The following LEF1 variants were observed in gnomAD, a reference collection of about 807,000 sequenced individuals.
LEF1 encodes lymphoid enhancer-binding factor 1.
In LEF1, 14 loss-of-function variants were observed where a neutral mutation model predicts 51.2. The observed-to-expected ratio is 0.27, with a 90% confidence interval of 0.18 to 0.43. The LOEUF is 0.43. Among genes scored for constraint, LEF1 ranks in the 20% least tolerant of loss-of-function variants. The pLI, the probability that LEF1 is intolerant of heterozygous loss-of-function variation, is 1.00. For missense variants in LEF1, 386 were observed against 512.0 expected, an observed-to-expected ratio of 0.75 and a Z score of 2.37; for synonymous variants, 185 against 183.2, an observed-to-expected ratio of 1.01 and a Z score of -0.08.
intron 2 of LEF1, among the ~76,000 whole-genome samples, chr4:108,163,921 TCAAA>T (rs1745228377): frequency 6.6e-6 from 1 of 152,190 alleles, no homozygotes. Flanking sequence ...AACATGTAGT[TCAAA>T]CAGTTCTTCC....
chr4:108,103,839 T>C (rs969391680), intron 3 of LEF1, among the ~76,000 whole-genome samples: 1 of 152,230 alleles, frequency 6.6e-6, no homozygotes, highest in East Asian at 1.9e-4. Context: ...GGTTTAAAGA[T>C]ATTCAAAAGA....
intron 3 of LEF1, among the ~76,000 whole-genome samples, chr4:108,152,092 G>C (rs1271291526): frequency 6.6e-6 from 1 of 152,196 alleles, no homozygotes; most frequent in Admixed American, 6.5e-5. Flanking sequence ...AGCTCTGAGG[G>C]AGGACTTATG....
intron 3 of LEF1, among the ~76,000 whole-genome samples, chr4:108,127,094 G>A (rs904771333): frequency 2.6e-5 from 4 of 152,080 alleles, no homozygotes; most frequent in African/African-American, 7.2e-5. Context: ...AGGAGACATA[G>A]GAGCTGGAAG....
rs113428728 is a variant in LEF1, at chr4:108,079,641, A to G, written c.723-27T>C. 15,022 of 1,613,292 alleles carry G rather than the reference A, an allele frequency of 9.3e-3. 86 individuals carry two copies. Among genetic ancestry groups the G allele is most frequent in the South Asian group, 0.019 (1,700 of 90,998 alleles). ...TGAAAGGAGGAAAGAGAAGAAAACAATGTACTACTGGCTGTTGCAGCAAAA... is the reference window on the plus strand; with the variant it reads ...TGAAAGGAGGAAAGAGAAGAAAACAGTGTACTACTGGCTGTTGCAGCAAAA... On this transcript the variant is annotated intron_variant, in intron 6 of 11. Transcript: ENST00000265165.
At chr4:108,097,442 T>C (rs1472857680) in intron 3 of LEF1, among the ~76,000 whole-genome samples, 1 of 152,150 alleles carries the variant, frequency 6.6e-6, no homozygotes, top group Non-Finnish European at 1.5e-5. Flanking sequence ...CAGCTTGGAA[T>C]GGGGGTTGGG....
intron 10 of LEF1, 34 bp downstream of exon 10, chr4:108,064,302 C>G: frequency 6.5e-7 from 1 of 1,536,540 alleles, no homozygotes; most frequent in Non-Finnish European, 9.0e-7. Context: ...TGTCAGAAGC[C>G]TGAGGATTGA....
At chr4:108,161,178 T>C (rs968068764) in intron 3 of LEF1, among the ~76,000 whole-genome samples, 18 of 152,332 alleles carry the variant, frequency 1.2e-4, no homozygotes, top group African/African-American at 4.3e-4. Flanking sequence ...TTCCGGTTAG[T>C]GTTTTTGATC....
At chr4:108,103,427 T>C (rs1285680850) in intron 3 of LEF1, among the ~76,000 whole-genome samples, 1 of 152,220 alleles carries the variant, frequency 6.6e-6, no homozygotes, top group African/African-American at 2.4e-5. Flanking sequence ...TTTTAAGGAA[T>C]GAATTTATGT....
intron 3 of LEF1, among the ~76,000 whole-genome samples, chr4:108,092,591 C>T (rs1435666001): frequency 6.6e-6 from 1 of 152,162 alleles, no homozygotes; most frequent in Non-Finnish European, 1.5e-5. Context: ...AGTTTTAAGA[C>T]AGCCAGTAAA....
chr4:108,073,988 G>A (rs1363460081), intron 8 of LEF1, among the ~76,000 whole-genome samples: 1 of 152,020 alleles, frequency 6.6e-6, no homozygotes, highest in Non-Finnish European at 1.5e-5. Flanking sequence ...ACCACGCCCG[G>A]CTACTTTTTT....
intron 3 of LEF1, among the ~76,000 whole-genome samples, chr4:108,119,912 A>C (rs528007180): frequency 2.2e-4 from 33 of 152,196 alleles, no homozygotes; most frequent in Non-Finnish European, 4.4e-4. Flanking sequence ...ATTTGCTTAA[A>C]AAACAATCTG....
chr4:108,116,924 G>A (rs944600461), intron 3 of LEF1, among the ~76,000 whole-genome samples: 4 of 152,188 alleles, frequency 2.6e-5, no homozygotes, highest in African/African-American at 9.7e-5. Context: ...CAAGTAAAGA[G>A]ACTGGTCACA....
At chr4:108,050,086 G>C (rs533819108) in intron 11 of LEF1, among the ~76,000 whole-genome samples, 9 of 152,242 alleles carry the variant, frequency 5.9e-5, no homozygotes, top group Admixed American at 1.3e-4. Context: ...TGTATACCTG[G>C]GTAGCTACTG....
intron 3 of LEF1, among the ~76,000 whole-genome samples, chr4:108,093,276 G>A (rs1740171645): frequency 6.6e-6 from 1 of 152,144 alleles, no homozygotes; most frequent in African/African-American, 2.4e-5. Context: ...GGAATCAGCA[G>A]TAGAAAAGTT....
chr4:108,156,174 T>C (rs1310376198), intron 3 of LEF1, among the ~76,000 whole-genome samples: 1 of 152,216 alleles, frequency 6.6e-6, no homozygotes, highest in Non-Finnish European at 1.5e-5. Context: ...TCTCCATTTC[T>C]TCAATTAGGT....
chr4:108,158,142 G>A (rs916582388), intron 3 of LEF1, among the ~76,000 whole-genome samples: 1 of 151,746 alleles, frequency 6.6e-6, no homozygotes, highest in Non-Finnish European at 1.5e-5. Flanking sequence ...ATCCCTAAAA[G>A]AGTTTATAGC....
chr4:108,099,555 T>C (rs1740625332), intron 3 of LEF1, among the ~76,000 whole-genome samples: 2 of 35,910 alleles, frequency 5.6e-5, no homozygotes, highest in African/African-American at 1.6e-4. Context: ...TGTGTGTGTG[T>C]ATGTGTGTGT....
chr4:108,166,126 C>G lies in LEF1; in HGVS notation c.214-963G>C. 4 of 707,326 alleles carry G rather than the reference C, an allele frequency of 5.7e-6. No homozygotes were observed. In the South Asian group the frequency reaches 1.1e-4, roughly 20 times the overall value. The allele number at this position is 707,326 out of a possible 1,614,324, so 43.8% of individuals were successfully genotyped here. ...GTGTCCTCCCTTTGACCTCCTTTTC[C>G]CAGCACACAGTAGTCACAAATCTTT... On this transcript the variant is annotated intron_variant, in intron 1 of 11. Transcript: ENST00000265165.
chr4:108,051,121 C>G (rs1279491861), intron 11 of LEF1, among the ~76,000 whole-genome samples: 2 of 152,190 alleles, frequency 1.3e-5, no homozygotes, highest in Non-Finnish European at 2.9e-5. Context: ...TCATTTCTTT[C>G]CACAGTCTCA....
Sources: allele counts gnomAD v4.1 joint callset (sites outside exome capture counted in the v4.1 genomes callset), GRCh38; gene constraint gnomAD v4.1.1; transcripts MANE v1.5; gene names NCBI Gene and HGNC (gene_info 2026-07-23, HGNC 2026-07-21).